The following NAV3 variants were observed in gnomAD, a reference collection of about 807,000 sequenced individuals.
The protein encoded by NAV3 is neuron navigator 3.
In NAV3, 87 loss-of-function variants were observed where a neutral mutation model predicts 244.7. That is an observed-to-expected ratio of 0.36 (90% CI 0.30 to 0.42). NAV3 has a LOEUF of 0.42. Among genes scored for constraint, NAV3 ranks in the 20% least tolerant of loss-of-function variants. The pLI, the probability that NAV3 is intolerant of heterozygous loss-of-function variation, is 1.00. For missense variants in NAV3, 2,663 were observed against 2,893.3 expected, an observed-to-expected ratio of 0.92 and a Z score of 1.83; for synonymous variants, 1,126 against 1,042.2, an observed-to-expected ratio of 1.08 and a Z score of -1.55.
chr12:77,757,135 A>G (rs1869221938), intron 2 of NAV3, among the ~76,000 whole-genome samples: 1 of 152,240 alleles, frequency 6.6e-6, no homozygotes, highest in Non-Finnish European at 1.5e-5. Context: ...ATTGAGGAAT[A>G]ATCCTTAACT....
At chr12:78,097,391 C>T (rs146276001) in intron 12 of NAV3, among the ~76,000 whole-genome samples, 20 of 152,276 alleles carry the variant, frequency 1.3e-4, no homozygotes, top group East Asian at 9.6e-4. Flanking sequence ...ACAGGATCTG[C>T]GGCAAGTTTT....
rs1446882408 is a variant in NAV3, at chr12:78,007,057, C to A, written c.1519C>A (p.Pro507Thr). 4.3e-6 allele frequency: 7 copies of A among 1,614,096 alleles called. No homozygotes were observed. In the South Asian group the frequency reaches 7.7e-5, roughly 18 times the overall value. ...GACCTCCAAAATTGCAAGCTTGATCCCTAAGGGCAGCAAGACAACAGCAGC... is the reference window on the plus strand; with the variant it reads ...GACCTCCAAAATTGCAAGCTTGATCACTAAGGGCAGCAAGACAACAGCAGC... The part of the protein sequence containing the change: ...KKTSKIASLI[P>T]KGSKTTAAKK... The change falls in exon 8 of 40, where the codon CCT becomes ACT. Residue 507 changes from proline (P) to threonine (T), a missense_variant. Pro to Thr is a conservative substitution (Grantham distance 38). Around this residue, in one of 6 missense-constraint regions of NAV3, gnomAD observed 1,521 missense variants for 1,497.0 expected, o/e 1.02. Coordinates refer to ENST00000397909, the MANE Select transcript of NAV3 (RefSeq NM_001024383.2).
intron 2 of NAV3, among the ~76,000 whole-genome samples, chr12:77,654,196 C>G (rs1192782833): frequency 6.6e-6 from 1 of 152,232 alleles, no homozygotes; most frequent in East Asian, 1.9e-4. Flanking sequence ...GTTCCCTTTC[C>G]TAGTCAAAGA....
chr12:78,113,133 T>C (rs1224433652), intron 12 of NAV3, among the ~76,000 whole-genome samples: 3 of 152,256 alleles, frequency 2.0e-5, no homozygotes, highest in Admixed American at 1.3e-4. Context: ...TTTGGGCAGC[T>C]CTGCCTCTGT....
At chr12:77,706,780 A>G (rs900403248) in intron 2 of NAV3, among the ~76,000 whole-genome samples, 14 of 143,176 alleles carry the variant, frequency 9.8e-5, no homozygotes, top group Non-Finnish European at 1.8e-4. Context: ...CTGAGGCAGG[A>G]GAATGGCATG....
chr12:78,008,601 A>G (rs925383550), intron 8 of NAV3, among the ~76,000 whole-genome samples: 11 of 152,194 alleles, frequency 7.2e-5, no homozygotes, highest in Non-Finnish European at 1.5e-4. Context: ...TTAAAATTTT[A>G]TTAAATTTTT....
intron 31 of NAV3, 111 bp downstream of exon 31, chr12:78,185,809 T>G (rs1958689822): frequency 1.1e-6 from 1 of 885,730 alleles, no homozygotes; most frequent in African/African-American, 1.7e-5. Flanking sequence ...CAATTGTGGA[T>G]TGGCATTAGC....
intron 1 of NAV3, among the ~76,000 whole-genome samples, chr12:77,919,370 A>G (rs1887480876): frequency 6.6e-6 from 1 of 152,066 alleles, no homozygotes; most frequent in African/African-American, 2.4e-5. Context: ...CCTTACCAGA[A>G]AGCTCAATTG....
At chr12:77,715,882 G>A (rs185589266) in intron 2 of NAV3, among the ~76,000 whole-genome samples, 1 of 152,104 alleles carries the variant, frequency 6.6e-6, no homozygotes, top group Admixed American at 6.6e-5. Flanking sequence ...ATGAGAGCAT[G>A]GGGTCTTTAT....
chr12:78,118,836 A>G (rs1349709755), intron 14 of NAV3, among the ~76,000 whole-genome samples: 1 of 152,220 alleles, frequency 6.6e-6, no homozygotes, highest in Non-Finnish European at 1.5e-5. Flanking sequence ...TATTTTTAAA[A>G]TAATGCCTAA....
intron 1 of NAV3, among the ~76,000 whole-genome samples, chr12:77,925,947 G>C (rs1179448241): frequency 1.3e-5 from 2 of 152,122 alleles, no homozygotes; most frequent in African/African-American, 4.8e-5. Context: ...AATCTTCCAA[G>C]TAGTCTAATA....
At chr12:78,142,725 G>A (rs756971670) in intron 20 of NAV3, among the ~76,000 whole-genome samples, 1 of 19,802 alleles carries the variant, frequency 5.0e-5, no homozygotes, top group Non-Finnish European at 1.1e-4. Context: ...ACATATATAT[G>A]TGTGTGTGTG....
chr12:77,763,247 T>C (rs1869578217), intron 2 of NAV3, among the ~76,000 whole-genome samples: 2 of 152,026 alleles, frequency 1.3e-5, no homozygotes, highest in African/African-American at 4.8e-5. Context: ...TTATAGAAGG[T>C]AGGAGAGGGC....
In NAV3 at chr12:78,140,857, ATTTT is replaced by A. The variant is rs916638637; in HGVS notation, c.4683+527_4683+530del. Among the ~76,000 whole-genome samples the A allele has an allele frequency of 2.0e-5, 3 of 151,260 alleles. No homozygotes were observed. The South Asian group carries it at 6.3e-4, about 32-fold the overall frequency. Reference sequence around the variant, plus strand: ...TAAATATACCTTTTGAAAGAGTGTGATTTTTTTAACTTTTATTTTTATTTTATTT... The same window carrying A: ...TAAATATACCTTTTGAAAGAGTGTGATTTAACTTTTATTTTTATTTTATTT... On this transcript the variant is annotated intron_variant, in intron 20 of 39. Transcript: ENST00000397909.
chr12:77,897,476 C>G (rs1245666258), intron 1 of NAV3, among the ~76,000 whole-genome samples: 1 of 152,136 alleles, frequency 6.6e-6, no homozygotes, highest in Non-Finnish European at 1.5e-5. Flanking sequence ...TTGATATTTC[C>G]TATATCCATG....
intron 5 of NAV3, among the ~76,000 whole-genome samples, chr12:77,993,515 A>G (rs1409727653): frequency 6.6e-6 from 1 of 152,182 alleles, no homozygotes; most frequent in Non-Finnish European, 1.5e-5. Flanking sequence ...TACAGATTGC[A>G]TTATACACAA....
At chr12:77,722,263 A>G (rs1876671958) in intron 2 of NAV3, among the ~76,000 whole-genome samples, 1 of 151,792 alleles carries the variant, frequency 6.6e-6, no homozygotes, top group South Asian at 2.1e-4. Flanking sequence ...TGTGACTAAC[A>G]TACTTTATTT....
intron 2 of NAV3, among the ~76,000 whole-genome samples, chr12:77,687,290 TTTTA>T (rs1874798978): frequency 1.4e-5 from 2 of 140,934 alleles, no homozygotes; most frequent in Non-Finnish European, 3.1e-5. Flanking sequence ...GATACCTTGT[TTTTA>T]TTAGGAGTAT....
chr12:78,157,118 G>T (rs1269780615), intron 22 of NAV3, among the ~76,000 whole-genome samples: 1 of 152,112 alleles, frequency 6.6e-6, no homozygotes, highest in Non-Finnish European at 1.5e-5. Flanking sequence ...GAGGGACAAA[G>T]AAGAGCTTCT....
Sources: gnomAD v4.1 joint callset for allele counts (sites outside exome capture counted in the v4.1 genomes callset) on GRCh38, gnomAD v4.1.1 for gene constraint, gnomAD v4.1.1 regional missense constraint, MANE v1.5 for transcripts, NCBI Gene and HGNC (gene_info 2026-07-23, HGNC 2026-07-21) for gene names.